The following CNTROB variants were observed in gnomAD, a reference collection of about 807,000 sequenced individuals.
CNTROB encodes centrobin, centriole duplication and spindle assembly protein.
Under a neutral mutation model 115.7 loss-of-function variants are expected in CNTROB, and 82 were observed. That is an observed-to-expected ratio of 0.71 (90% CI 0.59 to 0.85). The LOEUF is 0.85. Among genes scored for constraint, CNTROB ranks in the 40% least tolerant of loss-of-function variants. CNTROB has a pLI of 0.00. For missense variants in CNTROB, 1,014 were observed against 1,144.4 expected, an observed-to-expected ratio of 0.89 and a Z score of 1.64; for synonymous variants, 439 against 456.4, an observed-to-expected ratio of 0.96 and a Z score of 0.49.
At position 7,949,498 on chromosome 17, in the gene CNTROB, A is replaced by T; in HGVS notation, c.2700A>T (p.Gly900=). ...CGAGTAGCATGAGGAGCCGGGGGGG[A>T]GTCTGGAGATGAGCCCCCCTACCCT... ...PAPSSMRSRG[G]VWR is the part of the protein sequence containing the mutation. The change falls in exon 19 of 19, where the codon GGA becomes GGT. Residue 900 remains glycine (G), a synonymous_variant. Transcript: ENST00000563694. 1 of 1,611,902 alleles carries T rather than the reference A, an allele frequency of 6.2e-7. No individual in the cohort carries two copies. The highest frequency in any genetic ancestry group is 8.5e-7 in the Non-Finnish European group (1 of 1,179,176).
Position 7,948,438 on chromosome 17 carries a change from G to C in CNTROB, c.2381-49G>C. 1.2e-6 allele frequency: 2 copies of C among 1,611,418 alleles called. No homozygotes were observed. Among genetic ancestry groups the C allele is most frequent in the Admixed American group, 1.7e-5 (1 of 60,000 alleles). ...TCCTGGGGAAATGGGCTGAGGGCTG[G>C]GGAGACAGGCCCTAGGATGACGCCT... On this transcript the variant is annotated intron_variant, in intron 16 of 18. Coordinates refer to ENST00000563694, the MANE Select transcript of CNTROB (RefSeq NM_053051.5). The surrounding 1 kb of genome is among the most constrained non-coding windows in gnomAD (Gnocchi z 4.4).
Position 7,949,366 on chromosome 17 carries a change from C to G in CNTROB, c.2587-19C>G, listed in dbSNP as rs376183161. The G allele has an allele frequency of 1.6e-5, 26 of 1,613,228 alleles. No individual in the cohort carries two copies. The highest frequency in any genetic ancestry group is 1.6e-5 in the Non-Finnish European group (19 of 1,179,500). On this transcript the variant is annotated intron_variant, in intron 18 of 18. Transcript: ENST00000563694. Reference sequence around the variant, plus strand: ...GGATCTGACGCTGATTTCTTCCTCTCTCTTCCCTCAACTCTCAGATTCCCT... The same window carrying G: ...GGATCTGACGCTGATTTCTTCCTCTGTCTTCCCTCAACTCTCAGATTCCCT...
chr17:7,940,422 T>C (rs1973724300), intron 9 of CNTROB, among the ~76,000 whole-genome samples, 180 bp downstream of exon 9: 1 of 152,206 alleles, frequency 6.6e-6, no homozygotes, highest in African/African-American at 2.4e-5. Flanking sequence ...TCTTACTGAG[T>C]GACCATTTCC....
At chr17:7,934,051 A>G in intron 1 of CNTROB, 87 bp from the exon 2 acceptor site, 1 of 1,105,950 alleles carries the variant, frequency 9.0e-7, no homozygotes, top group Admixed American at 1.8e-5. Context: ...TTGTTTTCCA[A>G]AGTGCTGGAG....
intron 4 of CNTROB, chr17:7,935,740 C>T (rs1333268116): frequency 1.2e-5 from 2 of 162,238 alleles, no homozygotes; most frequent in Non-Finnish European, 2.7e-5. Flanking sequence ...TACTGGCTGC[C>T]TAAGGTCTAG....
In CNTROB at chr17:7,941,891, A is replaced by C. The variant is rs980418997; in HGVS notation, c.1312-1500A>C. 5.0e-4 allele frequency among the ~76,000 whole-genome samples: 76 copies of C among 151,186 alleles called. 1 individual carries two copies. The highest frequency in any genetic ancestry group is 1.8e-3 in the African/African-American group (76 of 41,184). ...GGTGGGAGGATCAACTGAACCCTGGAAGTAGAGGCTGCAGTGACCCGTGAT... is the reference window on the plus strand; with the variant it reads ...GGTGGGAGGATCAACTGAACCCTGGCAGTAGAGGCTGCAGTGACCCGTGAT... On this transcript the variant is annotated intron_variant, in intron 9 of 18. Coordinates refer to ENST00000563694, the MANE Select transcript of CNTROB (RefSeq NM_053051.5).
rs549860259 is a variant in CNTROB, at chr17:7,941,594, A to G, written c.1311+1352A>G. ...AGCCTGGGCAACAGAGTGAGACTCC[A>G]TCTCAAAAAAAAAAAAAAAAAAAGA... On this transcript the variant is annotated intron_variant, in intron 9 of 18. Transcript: ENST00000563694. 5.4e-3 allele frequency among the ~76,000 whole-genome samples: 599 copies of G among 111,132 alleles called. 8 individuals carry two copies. Among genetic ancestry groups the G allele is most frequent in the Middle Eastern group, 9.4e-3 (2 of 212 alleles). 72.9% of individuals were successfully genotyped at this position (111,132 alleles called of 152,430 possible). A position where few individuals can be genotyped will look rare whatever the true frequency, so the allele number is the denominator to read the frequency against.
intron 3 of CNTROB, among the ~76,000 whole-genome samples, 154 bp downstream of exon 3, chr17:7,934,700 GC>G (rs1385239391): frequency 1.3e-5 from 2 of 152,050 alleles, no homozygotes; most frequent in African/African-American, 4.8e-5. Context: ...ACTGTCTCCT[GC>G]CCCCTTTACT....
At chr17:7,937,763 A>G (rs1973355345) in intron 7 of CNTROB, among the ~76,000 whole-genome samples, 1 of 152,144 alleles carries the variant, frequency 6.6e-6, no homozygotes, top group African/African-American at 2.4e-5. Flanking sequence ...AGATCAAGCC[A>G]CTGCACTCCA....
At chr17:7,936,206 G>A (rs1973145257) in intron 4 of CNTROB, 160 bp from the exon 5 acceptor site, 1 of 636,312 alleles carries the variant, frequency 1.6e-6, no homozygotes, top group Middle Eastern at 4.4e-4. Context: ...CAAGGTGCTT[G>A]CTTCAGAATT....
intron 9 of CNTROB, among the ~76,000 whole-genome samples, chr17:7,941,967 A>G (rs1363770445): frequency 6.9e-6 from 1 of 144,350 alleles, no homozygotes; most frequent in Non-Finnish European, 1.5e-5. Flanking sequence ...GAGTCTCAAA[A>G]AAAAAAAAGA....
Position 7,949,633 on chromosome 17 carries a change from T to C in CNTROB, c.*123T>C. 1.0e-6 allele frequency: 1 copy of C among 1,003,010 alleles called. No homozygotes were observed. Among genetic ancestry groups the C allele is most frequent in the Non-Finnish European group, 1.4e-6 (1 of 727,166 alleles). 62.1% of individuals were successfully genotyped at this position (1,003,010 alleles called of 1,614,324 possible). Reference sequence around the variant, plus strand: ...AAATAGAGGTTTTGTAGGGAATCACTTCGTAAAGAAACCACATTTGGTTGA... The same window carrying C: ...AAATAGAGGTTTTGTAGGGAATCACCTCGTAAAGAAACCACATTTGGTTGA... On this transcript the variant is annotated 3_prime_UTR_variant, in exon 19 of 19. Coordinates refer to ENST00000563694, the MANE Select transcript of CNTROB (RefSeq NM_053051.5).
rs1974274986 is a variant in CNTROB at position 7,944,434 on chromosome 17, T to C, written c.1572-42T>C. 1 of 1,603,432 alleles carries C rather than the reference T, an allele frequency of 6.2e-7. No homozygotes were observed. The highest frequency in any genetic ancestry group is 1.7e-5 in the Admixed American group (1 of 59,308). On this transcript the variant is annotated intron_variant, in intron 11 of 18. Coordinates refer to ENST00000563694, the MANE Select transcript of CNTROB (RefSeq NM_053051.5). The surrounding 1 kb of genome is among the most constrained non-coding windows in gnomAD (Gnocchi z 4.0). ...CTCTTTTTAGCTCCCAAGTATCTGC[T>C]TCCTTAAAGGCCCTGAGTCACTTCT...
At position 7,932,973 on chromosome 17, in the gene CNTROB, C is replaced by G; in HGVS notation, c.-107C>G. On this transcript the variant is annotated 5_prime_UTR_variant, in exon 1 of 19. Transcript: ENST00000563694. ...TCACCAAGGATCCTTGGCGTGGAGT[C>G]TTCCTCCCTTCTCCCAAGTCTTTCT... The G allele has an allele frequency of 1.6e-6, 2 of 1,230,222 alleles. No homozygotes were observed. The highest frequency in any genetic ancestry group is 2.3e-6 in the Non-Finnish European group (2 of 880,368). The allele number at this position is 1,230,222 out of a possible 1,614,324, so 76.2% of individuals were successfully genotyped here. A position where few individuals can be genotyped will look rare whatever the true frequency, so the allele number is the denominator to read the frequency against.
chr17:7,939,550 C>A lies in CNTROB; in HGVS notation c.965C>A (p.Ala322Glu), dbSNP rs535226060. The A allele has an allele frequency of 8.7e-6, 14 of 1,613,974 alleles. No individual in the cohort carries two copies. Among genetic ancestry groups the A allele is most frequent in the Middle Eastern group, 1.6e-4 (1 of 6,084 alleles). Reference sequence around the variant, plus strand: ...CAAGCTCTGACTCTGAGGTTGGAGGCAGAACAGCAGCGGTGCTGTGTCCTG... The same window carrying A: ...CAAGCTCTGACTCTGAGGTTGGAGGAAGAACAGCAGCGGTGCTGTGTCCTG... The part of the protein sequence containing the change: ...ERQALTLRLE[A>E]EQQRCCVLQE... The change falls in exon 8 of 19, where the codon GCA (alanine) becomes GAA (glutamate). Residue 322 changes from alanine (A) to glutamate (E), a missense_variant. Transcript: ENST00000563694. This position sits in a 1 kb window ranked among gnomAD's most constrained non-coding sequence, Gnocchi z 4.4.
chr17:7,947,430 A>G, intron 13 of CNTROB, 141 bp from the exon 14 acceptor site: 2 of 802,012 alleles, frequency 2.5e-6, no homozygotes, highest in Non-Finnish European at 3.8e-6. Flanking sequence ...TTAAACCTCC[A>G]TCTTCATCTT....
chr17:7,947,762 C>T lies in CNTROB; in HGVS notation c.2145+40C>T, dbSNP rs776835082. ...ACCCAGACTAGCTCACTTTCTTCTT[C>T]CCTTTCTCCTTTCCTCTTTCTGCTC... On this transcript the variant is annotated intron_variant, in intron 14 of 18. Transcript: ENST00000563694. 1.9e-6 allele frequency: 3 copies of T among 1,600,236 alleles called. No individual in the cohort carries two copies. The South Asian group carries it at 3.3e-5, about 18-fold the overall frequency.
At chr17:7,940,330 C>A in intron 9 of CNTROB, 88 bp downstream of exon 9, 1 of 1,269,642 alleles carries the variant, frequency 7.9e-7, no homozygotes, top group Non-Finnish European at 1.1e-6. Flanking sequence ...GCAGACACTC[C>A]CAGTTCAGGT....
At position 7,939,490 on chromosome 17, in the gene CNTROB, T is replaced by G; in HGVS notation, c.928-23T>G. 1 of 1,607,284 alleles carries G rather than the reference T, an allele frequency of 6.2e-7. No individual in the cohort carries two copies. The highest frequency in any genetic ancestry group is 8.5e-7 in the Non-Finnish European group (1 of 1,174,122). Reference sequence around the variant, plus strand: ...GTCTCTGAAGAGCCTACTAAGGAGCTTGGTTTTCTTCTGCGGCTGTAGGAG... The same window carrying G: ...GTCTCTGAAGAGCCTACTAAGGAGCGTGGTTTTCTTCTGCGGCTGTAGGAG... On this transcript the variant is annotated intron_variant, in intron 7 of 18. Transcript: ENST00000563694. This position sits in a 1 kb window ranked among gnomAD's most constrained non-coding sequence, Gnocchi z 4.4.
Sources: gnomAD v4.1 joint callset for allele counts (sites outside exome capture counted in the v4.1 genomes callset) on GRCh38, gnomAD v4.1.1 for gene constraint, Gnocchi (gnomAD v3.1) non-coding constraint, MANE v1.5 for transcripts, NCBI Gene and HGNC (gene_info 2026-07-23, HGNC 2026-07-21) for gene names.